CDH4: variants seen among roughly 807,000 people sequenced by gnomAD.
CDH4 encodes the protein cadherin-4.
A neutral mutation model predicts 86.0 loss-of-function variants in CDH4; 33 were observed. The ratio of observed to expected loss-of-function variants is 0.38; its 90% CI spans 0.29 to 0.51. The LOEUF is 0.51. CDH4 is among the 20% of genes least tolerant of loss of function. CDH4 has a pLI of 0.86. For synonymous variants in CDH4, 555 were observed against 549.4 expected, an observed-to-expected ratio of 1.01 and a Z score of -0.14; for missense variants, 1,114 against 1,307.4, an observed-to-expected ratio of 0.85 and a Z score of 2.28.
At chr20:61,853,778 G>C (rs1182096373) in intron 6 of CDH4, among the ~76,000 whole-genome samples, 1 of 152,184 alleles carries the variant, frequency 6.6e-6, no homozygotes, top group Admixed American at 6.5e-5. Context: ...ACCCCAGGGG[G>C]CTTCTGTGTG....
intron 2 of CDH4, among the ~76,000 whole-genome samples, chr20:61,390,851 G>T (rs188648083): frequency 2.1e-4 from 32 of 152,350 alleles, no homozygotes; most frequent in Admixed American, 1.7e-3. Flanking sequence ...TGAGGTCATA[G>T]GGTGCCCATA....
Position 61,901,074 on chromosome 20 carries a change from CCT to C in CDH4, c.1188+6032_1188+6033del, listed in dbSNP as rs200486432. ...AATCCCGGGTAAGAAGATGGGTCAA[CCT>C]CTCTGTCCTTTCTGGGAAGGGAGCA... On this transcript the variant is annotated intron_variant, in intron 8 of 15. Transcript: ENST00000614565. 1.3e-3 allele frequency among the ~76,000 whole-genome samples: 195 copies of C among 152,316 alleles called. 1 individual carries two copies. The highest frequency in any genetic ancestry group is 0.01 in the Middle Eastern group (3 of 294).
At chr20:61,670,543 A>G (rs1004375777) in intron 2 of CDH4, among the ~76,000 whole-genome samples, 18 of 152,196 alleles carry the variant, frequency 1.2e-4, no homozygotes, top group Admixed American at 3.3e-4. Flanking sequence ...CCTACCGAAT[A>G]CTGGAGGTAC....
At chr20:61,438,225 GA>G (rs1291115028) in intron 2 of CDH4, among the ~76,000 whole-genome samples, 1 of 152,144 alleles carries the variant, frequency 6.6e-6, no homozygotes, top group Non-Finnish European at 1.5e-5. Context: ...AGTATCTTGA[GA>G]AAATGTATTG....
intron 4 of CDH4, among the ~76,000 whole-genome samples, chr20:61,785,723 C>T (rs1048127781): frequency 1.3e-5 from 2 of 152,188 alleles, no homozygotes; most frequent in South Asian, 4.1e-4. Context: ...GGACAGGGCC[C>T]TCTAAAGTTC....
In CDH4 at chr20:61,777,851, C is replaced by T. The variant is rs1978332889; in HGVS notation, c.576+4669C>T. 1.3e-5 allele frequency among the ~76,000 whole-genome samples: 2 copies of T among 152,032 alleles called. 1 individual carries two copies. The highest frequency in any genetic ancestry group is 4.8e-5 in the African/African-American group (2 of 41,360). On this transcript the variant is annotated intron_variant, in intron 4 of 15. Transcript: ENST00000614565. ...GCGCACGCACTTGCATACAAAAACA[C>T]ATCCACATGCGCACGCACGTGCATA...
chr20:61,751,154 G>A (rs1305086651), intron 3 of CDH4, among the ~76,000 whole-genome samples: 1 of 152,176 alleles, frequency 6.6e-6, no homozygotes, highest in Non-Finnish European at 1.5e-5. Flanking sequence ...GGCGAAGGTA[G>A]CCTAGAACAA....
At chr20:61,336,891 C>G (rs1382550668) in intron 2 of CDH4, among the ~76,000 whole-genome samples, 3 of 152,134 alleles carry the variant, frequency 2.0e-5, no homozygotes, top group Non-Finnish European at 2.9e-5. Flanking sequence ...CCCAGTCTCT[C>G]TCAGGGGAAA....
intron 2 of CDH4, among the ~76,000 whole-genome samples, chr20:61,492,150 G>A (rs1490497602): frequency 6.6e-6 from 1 of 151,534 alleles, no homozygotes; most frequent in Non-Finnish European, 1.5e-5. Context: ...TGTCGATATT[G>A]CTGATGTTGT....
intron 2 of CDH4, among the ~76,000 whole-genome samples, chr20:61,402,426 A>G (rs2387395): frequency 0.56 from 85,289 of 151,584 alleles, 25,526 homozygotes; most frequent in African/African-American, 0.77. Context: ...GCAGAGTCTC[A>G]CTCTGTCACC....
intron 4 of CDH4, among the ~76,000 whole-genome samples, chr20:61,838,431 G>C (rs2146091788): frequency 6.6e-6 from 1 of 152,280 alleles, no homozygotes; most frequent in African/African-American, 2.4e-5. Flanking sequence ...AGGAGCACTG[G>C]TTGGGGCCAC....
intron 2 of CDH4, among the ~76,000 whole-genome samples, chr20:61,287,252 A>G (rs2084298246): frequency 6.6e-6 from 1 of 152,160 alleles, no homozygotes; most frequent in South Asian, 2.1e-4. Context: ...CTTCTTTAAA[A>G]TAAGCACGAA....
chr20:61,608,165 G>T (rs11907102), intron 2 of CDH4, among the ~76,000 whole-genome samples: 1 of 152,092 alleles, frequency 6.6e-6, no homozygotes, highest in Non-Finnish European at 1.5e-5. Flanking sequence ...CACCCGCTGC[G>T]GAGTTCTAGC....
At chr20:61,674,600 A>G (rs907969892) in intron 2 of CDH4, among the ~76,000 whole-genome samples, 3 of 152,242 alleles carry the variant, frequency 2.0e-5, no homozygotes, top group Non-Finnish European at 4.4e-5. Context: ...TTAAATTTTC[A>G]GGAGCCACAT....
At chr20:61,604,590 A>G (rs2086628032) in intron 2 of CDH4, among the ~76,000 whole-genome samples, 2 of 151,452 alleles carry the variant, frequency 1.3e-5, no homozygotes, top group Non-Finnish European at 2.9e-5. Flanking sequence ...AGGGAAGGGA[A>G]GTGAGGGGTG....
chr20:61,917,301 G>C (rs1369493963), intron 9 of CDH4, among the ~76,000 whole-genome samples: 6 of 152,220 alleles, frequency 3.9e-5, no homozygotes, highest in Non-Finnish European at 5.9e-5. Context: ...TCAGGGCCCA[G>C]CACGGCCTCT....
intron 2 of CDH4, among the ~76,000 whole-genome samples, chr20:61,534,618 C>G (rs1275335951): frequency 7.0e-6 from 1 of 143,268 alleles, no homozygotes. Flanking sequence ...GGATCAGATT[C>G]TAAGTGGTGG....
chr20:61,470,985 G>C (rs2085498766), intron 2 of CDH4, among the ~76,000 whole-genome samples: 1 of 152,092 alleles, frequency 6.6e-6, no homozygotes, highest in African/African-American at 2.4e-5. Context: ...AGGGATATTG[G>C]TTTGTAGGCT....
chr20:61,264,067 C>T (rs1332202311), intron 2 of CDH4, among the ~76,000 whole-genome samples: 1 of 152,178 alleles, frequency 6.6e-6, no homozygotes, highest in Admixed American at 6.5e-5. Context: ...CCCACTACCA[C>T]GTGAGATCCC....
Sources: gnomAD v4.1 joint callset for allele counts (sites outside exome capture counted in the v4.1 genomes callset) on GRCh38, gnomAD v4.1.1 for gene constraint, MANE v1.5 for transcripts, NCBI Gene and HGNC (gene_info 2026-07-23, HGNC 2026-07-21) for gene names.